The following RALGPS2 variants were observed in gnomAD, a reference collection of about 807,000 sequenced individuals.
RALGPS2 encodes the protein Ral GEF with PH domain and SH3 binding motif 2.
A neutral mutation model predicts 86.8 loss-of-function variants in RALGPS2; 43 were observed. The ratio of observed to expected loss-of-function variants is 0.50; its 90% confidence interval spans 0.39 to 0.64. The LOEUF (loss-of-function observed/expected upper bound fraction) is 0.64. Ranked by LOEUF, RALGPS2 falls within the 30% of genes least tolerant of loss-of-function variation. The probability of loss-of-function intolerance (pLI) is 0.00; values close to 1 mark genes in which losing one functional copy is unlikely to be tolerated. For missense variants in RALGPS2, 536 were observed against 694.6 expected, an observed-to-expected ratio of 0.77 and a Z score of 2.57; for synonymous variants, 243 against 231.3, an observed-to-expected ratio of 1.05 and a Z score of -0.46.
At chr1:178,853,907 A>G (rs1041530167) in intron 8 of RALGPS2, 6 of 597,092 alleles carry the variant, frequency 1.0e-5, no homozygotes, top group South Asian at 4.6e-5. Flanking sequence ...TTTATCATAT[A>G]TACAATATTA....
At chr1:178,813,323 T>A (rs1655079428) in intron 6 of RALGPS2, among the ~76,000 whole-genome samples, 1 of 152,256 alleles carries the variant, frequency 6.6e-6, no homozygotes, top group African/African-American at 2.4e-5. Context: ...TAAATTTACT[T>A]GTATGTTCCA....
At chr1:178,733,603 C>T (rs1650518804) in intron 1 of RALGPS2, among the ~76,000 whole-genome samples, 1 of 152,228 alleles carries the variant, frequency 6.6e-6, no homozygotes, top group South Asian at 2.1e-4. Flanking sequence ...AACCCTTATA[C>T]ATTTCAAGTG....
intron 8 of RALGPS2, chr1:178,870,956 A>G (rs994661650): frequency 6.6e-6 from 1 of 152,194 alleles, no homozygotes; most frequent in Non-Finnish European, 1.5e-5. Context: ...TAAGTAGTAT[A>G]GTGGAAGTTC....
chr1:178,874,120 G>A (rs923349546), intron 8 of RALGPS2, among the ~76,000 whole-genome samples: 6 of 152,156 alleles, frequency 3.9e-5, no homozygotes, highest in Middle Eastern at 3.4e-3. Flanking sequence ...AAATGTCGGG[G>A]AAAAAATAAG....
At chr1:178,736,614 A>C (rs1355534633) in intron 1 of RALGPS2, among the ~76,000 whole-genome samples, 1 of 152,166 alleles carries the variant, frequency 6.6e-6, no homozygotes, top group South Asian at 2.1e-4. Context: ...AAAAGTGTAT[A>C]GAGTCAGGTG....
At chr1:178,814,631 G>C (rs1442483492) in intron 6 of RALGPS2, among the ~76,000 whole-genome samples, 1 of 152,058 alleles carries the variant, frequency 6.6e-6, no homozygotes, top group Non-Finnish European at 1.5e-5. Flanking sequence ...GTTTTGTTTT[G>C]TAAAGACAAG....
intron 9 of RALGPS2, among the ~76,000 whole-genome samples, chr1:178,878,467 CT>C (rs1659091455): frequency 6.6e-6 from 1 of 151,968 alleles, no homozygotes; most frequent in South Asian, 2.1e-4. Context: ...TTATTTTGTC[CT>C]TTTCTCAGTA....
At chr1:178,866,553 G>A (rs1336732754) in intron 8 of RALGPS2, among the ~76,000 whole-genome samples, 1 of 152,128 alleles carries the variant, frequency 6.6e-6, no homozygotes, top group African/African-American at 2.4e-5. Flanking sequence ...TCTTCTAACA[G>A]AAGTCCTACT....
chr1:178,890,024 T>C (rs904049025), intron 14 of RALGPS2, among the ~76,000 whole-genome samples: 23 of 151,946 alleles, frequency 1.5e-4, no homozygotes, highest in African/African-American at 4.6e-4. Context: ...TCTGGTTCAT[T>C]TAAGTAATTT....
rs557997846 is a variant in RALGPS2, at chr1:178,789,197, G to A, written c.213+3590G>A. On this transcript the variant is annotated intron_variant, in intron 4 of 19. Coordinates refer to ENST00000367635, the MANE Select transcript of RALGPS2 (RefSeq NM_152663.5). ...GCTGGGTTTACAGGCGTGAGCCACT[G>A]TGCCCGGCCTTAAGCAGCTCTTTGA... Among the ~76,000 whole-genome samples, 6 of 152,314 alleles carry A rather than the reference G, an allele frequency of 3.9e-5. No individual in the cohort carries two copies. In the South Asian group the frequency reaches 1.2e-3, roughly 32 times the overall value.
At chr1:178,774,653 T>C (rs986910774) in intron 1 of RALGPS2, among the ~76,000 whole-genome samples, 1 of 152,244 alleles carries the variant, frequency 6.6e-6, no homozygotes, top group Non-Finnish European at 1.5e-5. Context: ...ATGAAGCTTA[T>C]AGAATAAGAT....
intron 7 of RALGPS2, among the ~76,000 whole-genome samples, chr1:178,826,791 C>T (rs1043082874): frequency 6.6e-6 from 1 of 152,046 alleles, no homozygotes; most frequent in Non-Finnish European, 1.5e-5. Flanking sequence ...AAAAGGACAT[C>T]GTTTACAATA....
chr1:178,915,164 T>A (rs1660763897), intron 19 of RALGPS2, among the ~76,000 whole-genome samples: 1 of 152,216 alleles, frequency 6.6e-6, no homozygotes, highest in Non-Finnish European at 1.5e-5. Context: ...CTGACTCAAA[T>A]GCAAAATATC....
chr1:178,859,825 C>G (rs554814630), intron 8 of RALGPS2, among the ~76,000 whole-genome samples: 2,139 of 70,892 alleles, frequency 0.03, 226 homozygotes, highest in East Asian at 0.14. Context: ...TGCCCGCCCC[C>G]CCCCCCCCAA....
In RALGPS2 at chr1:178,901,555, TAGAC is replaced by T. The variant is rs371857889; in HGVS notation, c.1525-548_1525-545del. Among the ~76,000 whole-genome samples the T allele has an allele frequency of 3.3e-3, 502 of 152,048 alleles. 5 individuals are homozygous for T. The highest frequency in any genetic ancestry group is 0.011 in the African/African-American group (449 of 41,504). ...AAAGAATGGTTAACTACAAAAGTAA[TAGAC>T]AGGCTAAGAATACCCTTCTTTTTTG... On this transcript the variant is annotated intron_variant, in intron 17 of 19. Transcript: ENST00000367635.
intron 1 of RALGPS2, chr1:178,746,615 T>C (rs1210559055): frequency 4.0e-6 from 3 of 741,328 alleles, no homozygotes; most frequent in African/African-American, 1.7e-5. Context: ...CAGAGTGGGC[T>C]TCAGGTCTTG....
intron 8 of RALGPS2, chr1:178,864,852 A>G (rs970106189): frequency 4.0e-6 from 3 of 757,772 alleles, no homozygotes; most frequent in African/African-American, 3.6e-5. Flanking sequence ...ATGTACATAT[A>G]TAACATCGCA....
chr1:178,758,750 A>G (rs1396830915), intron 1 of RALGPS2, among the ~76,000 whole-genome samples: 1 of 152,218 alleles, frequency 6.6e-6, no homozygotes, highest in Non-Finnish European at 1.5e-5. Context: ...TTATGGCTGA[A>G]TAGTACTCCA....
At chr1:178,789,169 A>G (rs1379758211) in intron 4 of RALGPS2, among the ~76,000 whole-genome samples, 4 of 152,174 alleles carry the variant, frequency 2.6e-5, no homozygotes, top group African/African-American at 9.6e-5. Flanking sequence ...GGCCTCCCCA[A>G]ATGCTGGGTT....
Sources: gnomAD v4.1 joint callset for allele counts (sites outside exome capture counted in the v4.1 genomes callset) on GRCh38, gnomAD v4.1.1 for gene constraint, MANE v1.5 for transcripts, NCBI Gene and HGNC (gene_info 2026-07-23, HGNC 2026-07-21) for gene names.